The following PCNX1 variants were observed in gnomAD, a reference collection of about 807,000 sequenced individuals.
PCNX1 encodes pecanex 1.
A neutral mutation model predicts 242.2 loss-of-function variants in PCNX1; 78 were observed. The ratio of observed to expected loss-of-function variants is 0.32; its 90% confidence interval spans 0.27 to 0.39. The LOEUF is 0.39. PCNX1 is among the 10% of genes least tolerant of loss of function. The pLI is 1.00. For missense variants in PCNX1, 2,581 were observed against 2,856.5 expected (o/e 0.90, Z 2.20); for synonymous variants, 1,024 against 1,032.9 (o/e 0.99, Z 0.17).
rs1351896162 is a variant in PCNX1, at chr14:71,103,460, C to T, written c.5886C>T (p.Asn1962=). The T allele has an allele frequency of 3.1e-6, 5 of 1,614,188 alleles. No individual in the cohort carries two copies. The East Asian group carries it at 8.9e-5, about 29-fold the overall frequency. ...AGCAGGAGCTTGTTTTTCTACGTAA[C>T]CGTAACCCAGAGAGAGGTAGCATCC... ...GQQQELVFLR[N]RNPERGSIQN... Residue 1962 remains asparagine, a synonymous_variant, in exon 32 of 36, where the codon AAC becomes AAT. Transcript: ENST00000304743.
At chr14:71,055,348 G>A (rs531998144) in intron 24 of PCNX1, among the ~76,000 whole-genome samples, 156 bp from the exon 25 acceptor site, 1 of 151,926 alleles carries the variant, frequency 6.6e-6, no homozygotes, top group South Asian at 2.1e-4. Context: ...GTGTGCTAAG[G>A]CATTTTATCA....
intron 30 of PCNX1, among the ~76,000 whole-genome samples, chr14:71,091,102 A>G (rs543563207): frequency 6.6e-6 from 1 of 152,298 alleles, no homozygotes; most frequent in Admixed American, 6.5e-5. Context: ...GGCTGAGGGG[A>G]GGAGAGGAAG....
chr14:71,011,755 C>A (rs563821984), intron 10 of PCNX1: 194 of 532,076 alleles, frequency 3.6e-4, no homozygotes, highest in Non-Finnish European at 5.4e-4. Context: ...GGTTAAGAAA[C>A]CCTGGCATAG....
intron 8 of PCNX1, among the ~76,000 whole-genome samples, chr14:71,005,450 G>A (rs2059627388): frequency 2.0e-5 from 3 of 151,594 alleles, no homozygotes. Context: ...TGAGATTGCA[G>A]TGAGCTATGA....
At chr14:71,047,386 A>G (rs1387434936) in intron 21 of PCNX1, among the ~76,000 whole-genome samples, 1 of 152,146 alleles carries the variant, frequency 6.6e-6, no homozygotes, top group African/African-American at 2.4e-5. Context: ...TTGATGCACT[A>G]TGTAACTTAC....
In PCNX1 at chr14:71,050,678, G is replaced by A. The variant is rs2061002834; in HGVS notation, c.4365G>A (p.Gln1455=). The change falls in exon 23 of 36, where the codon CAG becomes CAA. Residue 1455 remains glutamine (Q), a synonymous_variant. Coordinates refer to ENST00000304743, the MANE Select transcript of PCNX1 (RefSeq NM_014982.3). ...NKLWELLYKL[Q]FVYTYIAPWQ... ...TTTGGGAACTACTTTATAAATTGCA[G>A]TTTGTGTATACCTATATTGCCCCAT... 6.2e-7 allele frequency: 1 copy of A among 1,605,536 alleles called. No homozygotes were observed. Among genetic ancestry groups the A allele is most frequent in the Non-Finnish European group, 8.5e-7 (1 of 1,175,932 alleles).
At chr14:71,099,159 A>ATTT (rs35488754) in intron 30 of PCNX1, among the ~76,000 whole-genome samples, 8 of 131,478 alleles carry the variant, frequency 6.1e-5, no homozygotes, top group East Asian at 2.2e-4. Context: ...TATTATTTTG[A>ATTT]TTTTTTTTTT....
intron 30 of PCNX1, among the ~76,000 whole-genome samples, chr14:71,098,553 T>TGTGTGTGTGAGAGA (rs60367565): frequency 3.2e-5 from 4 of 125,666 alleles, no homozygotes; most frequent in Non-Finnish European, 4.9e-5. Flanking sequence ...TGTGTGTGTG[T>TGTGTGTGTGAGAGA]GAGAGAGAGA....
chr14:71,096,012 C>CA lies in PCNX1; in HGVS notation c.5590-5972dup, dbSNP rs543371126. ...GCAACATAGCAAGACCCTGTCTCTA[C>CA]AAAAAATTTTTTAAAACATTAGATG... On this transcript the variant is annotated intron_variant, in intron 30 of 35. Coordinates refer to ENST00000304743, the MANE Select transcript of PCNX1 (RefSeq NM_014982.3). Among the ~76,000 whole-genome samples the CA allele has an allele frequency of 5.6e-3, 848 of 151,958 alleles. 4 individuals are homozygous for CA. The highest frequency in any genetic ancestry group is 0.02 in the South Asian group (96 of 4,810).
At position 70,966,904 on chromosome 14, in the gene PCNX1, A is replaced by C. The variant is rs537110575; in HGVS notation, c.469-1294A>C. Among the ~76,000 whole-genome samples the C allele has an allele frequency of 1.3e-3, 194 of 152,328 alleles. 1 individual carries two copies. The highest frequency in any genetic ancestry group is 3.4e-3 in the Middle Eastern group (1 of 294). On this transcript the variant is annotated intron_variant, in intron 3 of 35. Transcript: ENST00000304743. ...GTAAGAATGAAACTTTTGCGATAAAATGCTTTTTGGTTTTTTTCTTGCTGG... is the reference window on the plus strand; with the variant it reads ...GTAAGAATGAAACTTTTGCGATAAACTGCTTTTTGGTTTTTTTCTTGCTGG...
Position 71,026,812 on chromosome 14 carries a change from C to T in PCNX1, c.3396C>T (p.Leu1132=), listed in dbSNP as rs146064800. 11 of 1,580,822 alleles carry T rather than the reference C, an allele frequency of 7.0e-6. No individual in the cohort carries two copies. The highest frequency in any genetic ancestry group is 3.3e-5 in the Admixed American group (2 of 59,760). Residue 1132 remains leucine (L), a synonymous_variant, in exon 15 of 36, where the codon CTC becomes CTT. Transcript: ENST00000304743. ...LCFPIVFFIG[L]LPQVNTFVMY... ...TCCCAATAGTGTTTTTCATTGGTCT[C>T]CTGCCTCAGGTGAATACATTTGTAA... is the stretch of plus-strand genomic sequence containing the variant.
At chr14:71,041,800 A>G (rs1595352022) in intron 19 of PCNX1, among the ~76,000 whole-genome samples, 2 of 120,816 alleles carry the variant, frequency 1.7e-5, no homozygotes, top group Admixed American at 9.7e-5. Flanking sequence ...ATACTATACT[A>G]TACTATACTA....
At chr14:70,925,028 G>T (rs1380737618) in intron 1 of PCNX1, among the ~76,000 whole-genome samples, 3 of 149,440 alleles carry the variant, frequency 2.0e-5, no homozygotes, top group Admixed American at 6.7e-5. Context: ...TCACTCTGTT[G>T]CCCAGACAGG....
chr14:70,973,308 C>G (rs2058596188), intron 5 of PCNX1, among the ~76,000 whole-genome samples: 1 of 151,470 alleles, frequency 6.6e-6, no homozygotes, highest in African/African-American at 2.4e-5. Context: ...CCCTGAGCCT[C>G]TTTAGTTTAA....
At chr14:70,974,190 A>G (rs1303163705) in intron 5 of PCNX1, among the ~76,000 whole-genome samples, 1 of 146,042 alleles carries the variant, frequency 6.8e-6, no homozygotes, top group Middle Eastern at 3.6e-3. Context: ...ATACGCCCAT[A>G]TACCATTAGC....
chr14:71,111,618 T>G lies in PCNX1; in HGVS notation c.*1683T>G, dbSNP rs1190919266. On this transcript the variant is annotated 3_prime_UTR_variant, in exon 36 of 36. Coordinates refer to ENST00000304743, the MANE Select transcript of PCNX1 (RefSeq NM_014982.3). ...TACCAATTCTGATGTAGATCTCACA[T>G]TATAGCATAACATTACAGTAGAAGG... 1 of 151,224 alleles carries G rather than the reference T, an allele frequency of 6.6e-6. No homozygotes were observed. The highest frequency in any genetic ancestry group is 2.4e-5 in the African/African-American group (1 of 41,094). 9.4% of individuals were successfully genotyped at this position (151,224 alleles called of 1,614,324 possible).
intron 2 of PCNX1, among the ~76,000 whole-genome samples, chr14:70,949,116 ATG>A (rs1456640802): frequency 5.8e-5 from 8 of 138,548 alleles, no homozygotes; most frequent in African/African-American, 1.5e-4. Flanking sequence ...ATATACGTAT[ATG>A]TGTATATATG....
chr14:70,936,306 G>T (rs1425823620), intron 1 of PCNX1, among the ~76,000 whole-genome samples: 1 of 137,350 alleles, frequency 7.3e-6, no homozygotes, highest in Non-Finnish European at 1.5e-5. Flanking sequence ...ACAGGCCCTG[G>T]TGTGTGATGT....
chr14:70,969,244 G>A (rs1238648934), intron 5 of PCNX1, 134 bp downstream of exon 5: 2 of 646,094 alleles, frequency 3.1e-6, no homozygotes, highest in South Asian at 1.8e-5. Flanking sequence ...AACATAAAAT[G>A]TTATGGTGAT....
Sources: allele counts gnomAD v4.1 joint callset (sites outside exome capture counted in the v4.1 genomes callset), GRCh38; gene constraint gnomAD v4.1.1; transcripts MANE v1.5; gene names NCBI Gene and HGNC (gene_info 2026-07-23, HGNC 2026-07-21).